Variants in CHST3 observed in about 807,000 individuals in gnomAD.
CHST3 encodes carbohydrate sulfotransferase 3.
In CHST3, 20 loss-of-function variants were observed where a neutral mutation model predicts 35.4. The observed-to-expected ratio is 0.57, with a 90% CI of 0.40 to 0.82. The LOEUF is 0.82. CHST3 is among the 40% of genes least tolerant of loss of function. The pLI is 0.00. For synonymous variants in CHST3, 334 were observed against 295.9 expected, an observed-to-expected ratio of 1.13 and a Z score of -1.32; for missense variants, 693 against 670.1, an observed-to-expected ratio of 1.03 and a Z score of -0.38.
chr10:72,008,404 A>C lies in CHST3; in HGVS notation c.1373A>C (p.Asp458Ala). Residue 458 changes from aspartate (D) to alanine (A), a missense_variant, in exon 3 of 3, where the codon GAC becomes GCC. Transcript: ENST00000373115. ...MRLFGYKLAR[D>A]AAALTNRSVS... is the part of the protein sequence containing the mutation. ...CTCTTCGGCTACAAACTGGCGCGGGACGCCGCCGCCCTCACCAACCGCTCA... is the reference window on the plus strand; with the variant it reads ...CTCTTCGGCTACAAACTGGCGCGGGCCGCCGCCGCCCTCACCAACCGCTCA... The C allele has an allele frequency of 6.4e-7, 1 of 1,571,806 alleles. No homozygotes were observed. The highest frequency in any genetic ancestry group is 8.6e-7 in the Non-Finnish European group (1 of 1,159,834).
At chr10:71,992,967 A>G (rs1839911772) in intron 1 of CHST3, among the ~76,000 whole-genome samples, 1 of 152,090 alleles carries the variant, frequency 6.6e-6, no homozygotes, top group African/African-American at 2.4e-5. Context: ...CAGACAATTT[A>G]TAGAATATTC....
chr10:71,979,533 G>A (rs1025767337), intron 1 of CHST3, among the ~76,000 whole-genome samples: 1 of 152,018 alleles, frequency 6.6e-6, no homozygotes, highest in Non-Finnish European at 1.5e-5. Flanking sequence ...AATTTGGCCA[G>A]GCACAGATGG....
intron 1 of CHST3, among the ~76,000 whole-genome samples, chr10:72,000,487 C>T (rs192375653): frequency 6.6e-6 from 1 of 151,948 alleles, no homozygotes; most frequent in African/African-American, 2.4e-5. Flanking sequence ...GCTGGGGGGG[C>T]ATTTGAGCTG....
In CHST3 at chr10:72,008,476, G is replaced by A. The variant is rs1254476422; in HGVS notation, c.*5G>A. ...GGCACCTTCTGGGTCACGTAGGGGG[G>A]CCGGGGCCCCGTATGCCCCTCCTCG... On this transcript the variant is annotated 3_prime_UTR_variant, in exon 3 of 3. Transcript: ENST00000373115. The A allele has an allele frequency of 3.3e-6, 5 of 1,526,994 alleles. No individual in the cohort carries two copies. The highest frequency in any genetic ancestry group is 4.4e-6 in the Non-Finnish European group (5 of 1,135,608). The allele number at this position is 1,526,994 out of a possible 1,614,324, so 94.6% of individuals were successfully genotyped here.
At chr10:72,002,303 A>G (rs368084730) in intron 1 of CHST3, among the ~76,000 whole-genome samples, 34 of 152,306 alleles carry the variant, frequency 2.2e-4, no homozygotes, top group Middle Eastern at 3.4e-3. Flanking sequence ...AAAAAAAGAA[A>G]TAGTCCCTGG....
chr10:71,982,063 A>T (rs1839806238), intron 1 of CHST3, among the ~76,000 whole-genome samples: 1 of 152,246 alleles, frequency 6.6e-6, no homozygotes, highest in African/African-American at 2.4e-5. Flanking sequence ...GCCCCCACAG[A>T]TGTCCACGTA....
chr10:71,967,691 A>G lies in CHST3; in HGVS notation c.-108+2997A>G, dbSNP rs189164960. ...TTATATTATTTTGGGTATGTACCCAATAATGGGATTGCTTGGTAGAATGGT... is the reference window on the plus strand; with the variant it reads ...TTATATTATTTTGGGTATGTACCCAGTAATGGGATTGCTTGGTAGAATGGT... On this transcript the variant is annotated intron_variant, in intron 1 of 2. Coordinates refer to ENST00000373115, the MANE Select transcript of CHST3 (RefSeq NM_004273.5). 6.0e-4 allele frequency among the ~76,000 whole-genome samples: 92 copies of G among 152,376 alleles called. No individual in the cohort carries two copies. In the Middle Eastern group the frequency reaches 0.017, roughly 28 times the overall value.
chr10:72,000,019 GA>G, intron 1 of CHST3, among the ~76,000 whole-genome samples: 1 of 152,350 alleles, frequency 6.6e-6, no homozygotes, highest in Non-Finnish European at 1.5e-5. Context: ...TCCCAAGTGT[GA>G]AGTTTTGCCC....
intron 1 of CHST3, among the ~76,000 whole-genome samples, chr10:71,988,606 A>G (rs1457010118): frequency 6.6e-6 from 1 of 152,226 alleles, no homozygotes. Context: ...GAAGCCAAGC[A>G]GATGCCAGCA....
chr10:72,005,998 C>G lies in CHST3; in HGVS notation c.140+16C>G, dbSNP rs1216906458. ...TCATATCAAGGTGAGGGTTGCAAGC[C>G]CAAGTCTTCATCTTCCTTTCAAGGT... On this transcript the variant is annotated intron_variant, in intron 2 of 2. Transcript: ENST00000373115. 6.2e-7 allele frequency: 1 copy of G among 1,610,160 alleles called. No individual in the cohort carries two copies. The highest frequency in any genetic ancestry group is 8.5e-7 in the Non-Finnish European group (1 of 1,176,768).
intron 1 of CHST3, among the ~76,000 whole-genome samples, chr10:71,969,950 G>A (rs1322700378): frequency 6.6e-6 from 1 of 152,166 alleles, no homozygotes; most frequent in Non-Finnish European, 1.5e-5. Flanking sequence ...CTTTTCATTC[G>A]TTAAACAGAA....
intron 1 of CHST3, among the ~76,000 whole-genome samples, chr10:71,984,988 AG>A (rs1839834520): frequency 6.6e-6 from 1 of 152,194 alleles, no homozygotes; most frequent in African/African-American, 2.4e-5. Flanking sequence ...TTTCCATCTT[AG>A]TTCTTCAAAT....
At chr10:71,991,978 G>A (rs1179969745) in intron 1 of CHST3, among the ~76,000 whole-genome samples, 1 of 151,774 alleles carries the variant, frequency 6.6e-6, no homozygotes, top group Non-Finnish European at 1.5e-5. Context: ...AGTCTATTAA[G>A]TGTACAGTAG....
intron 1 of CHST3, among the ~76,000 whole-genome samples, chr10:71,977,637 T>C (rs1342179865): frequency 2.0e-5 from 3 of 149,936 alleles, no homozygotes; most frequent in Non-Finnish European, 4.5e-5. Context: ...AGAAGGGGTC[T>C]TTCTATGTTG....
chr10:71,995,760 G>T (rs1839932943), intron 1 of CHST3, among the ~76,000 whole-genome samples: 1 of 152,094 alleles, frequency 6.6e-6, no homozygotes, highest in Non-Finnish European at 1.5e-5. Context: ...GTCTTCTATG[G>T]GTGTGGTTTG....
intron 1 of CHST3, among the ~76,000 whole-genome samples, chr10:71,970,257 C>G (rs7898082): frequency 0.07 from 10,611 of 152,252 alleles, 1,188 homozygotes; most frequent in African/African-American, 0.24. Flanking sequence ...CCCTCACCCC[C>G]CACCACCTCC....
chr10:71,977,197 C>A (rs1406769347), intron 1 of CHST3, among the ~76,000 whole-genome samples: 6 of 152,360 alleles, frequency 3.9e-5, no homozygotes, highest in African/African-American at 1.4e-4. Context: ...CAGTCCCAGC[C>A]CCCAGACCTG....
At chr10:72,000,564 A>C (rs1208116006) in intron 1 of CHST3, among the ~76,000 whole-genome samples, 4 of 152,160 alleles carry the variant, frequency 2.6e-5, no homozygotes. Context: ...CAGCTGATGC[A>C]GAAGCCCCCA....
intron 1 of CHST3, among the ~76,000 whole-genome samples, chr10:71,974,872 C>T (rs1044954154): frequency 3.9e-5 from 6 of 152,158 alleles, no homozygotes; most frequent in African/African-American, 1.4e-4. Flanking sequence ...TGCCTGGGTC[C>T]CCTGCCCCAG....
Sources: gnomAD v4.1 joint callset for allele counts (sites outside exome capture counted in the v4.1 genomes callset) on GRCh38, gnomAD v4.1.1 for gene constraint, MANE v1.5 for transcripts, NCBI Gene and HGNC (gene_info 2026-07-23, HGNC 2026-07-21) for gene names.